RAB39A: variants seen among roughly 807,000 people sequenced by gnomAD.
RAB39A encodes RAB39A, member RAS oncogene family.
RAB39A carries 17 observed loss-of-function variants against 20.9 expected under a neutral mutation model. That is an observed-to-expected ratio of 0.81 (90% CI 0.56 to 1.22). The LOEUF (loss-of-function observed/expected upper bound fraction) is 1.22, where lower values mean the gene tolerates loss of function less well. Among genes scored for constraint, RAB39A ranks in the 50% most tolerant of loss-of-function variants. RAB39A has a pLI of 0.00. For missense variants in RAB39A, 234 were observed against 270.5 expected, an observed-to-expected ratio of 0.87 and a Z score of 0.95; for synonymous variants, 99 against 103.4, an observed-to-expected ratio of 0.96 and a Z score of 0.26.
Position 107,928,733 on chromosome 11 carries a change from G to A in RAB39A, c.165G>A (p.Glu55=). Residue 55 remains glutamate, a synonymous_variant, in exon 1 of 2, where the codon GAG becomes GAA. Transcript: ENST00000320578. The surrounding 1 kb of genome is among the most constrained non-coding windows in gnomAD (Gnocchi z 4.9). The part of the protein sequence containing the change: ...VGVDFFSRLL[E]IEPGKRIKLQ... ...TGGACTTCTTCTCCCGCCTGCTGGA[G>A]ATCGAGCCGGGCAAGAGGATCAAGC... The A allele has an allele frequency of 6.2e-7, 1 of 1,609,252 alleles. No individual in the cohort carries two copies. Among genetic ancestry groups the A allele is most frequent in the Non-Finnish European group, 8.5e-7 (1 of 1,177,498 alleles).
In RAB39A at chr11:107,962,293, G is replaced by C; in HGVS notation, c.575G>C (p.Gly192Ala). The change falls in exon 2 of 2, where the codon GGG becomes GCG. Residue 192 changes from glycine (G) to alanine (A), a missense_variant. By Grantham distance (60) the Gly-to-Ala change is moderately conservative. Coordinates refer to ENST00000320578, the MANE Select transcript of RAB39A (RefSeq NM_017516.3). Reference protein sequence around the residue: ...GEICIQDGWEGVKSGFVPNTV... With the variant: ...GEICIQDGWEAVKSGFVPNTV... Reference sequence around the variant, plus strand: ...ATTTGTATTCAGGATGGCTGGGAAGGGGTTAAAAGTGGTTTTGTTCCAAAT... The same window carrying C: ...ATTTGTATTCAGGATGGCTGGGAAGCGGTTAAAAGTGGTTTTGTTCCAAAT... The C allele has an allele frequency of 1.2e-6, 2 of 1,613,806 alleles. No individual in the cohort carries two copies. The highest frequency in any genetic ancestry group is 1.7e-6 in the Non-Finnish European group (2 of 1,179,946).
intron 1 of RAB39A, among the ~76,000 whole-genome samples, chr11:107,929,740 T>C (rs962454490): frequency 5.9e-5 from 9 of 152,078 alleles, no homozygotes; most frequent in African/African-American, 2.2e-4. Context: ...GTAAATGAAA[T>C]TATATGCATT....
At chr11:107,954,386 C>T (rs1414121236) in intron 1 of RAB39A, among the ~76,000 whole-genome samples, 4 of 152,156 alleles carry the variant, frequency 2.6e-5, no homozygotes. Flanking sequence ...TACAAGAATG[C>T]ACATACTCTA....
intron 1 of RAB39A, among the ~76,000 whole-genome samples, chr11:107,938,242 C>T (rs970391654): frequency 7.3e-5 from 11 of 151,560 alleles, no homozygotes; most frequent in African/African-American, 2.4e-4. Flanking sequence ...CACCTGTAAT[C>T]CCAGCTACTC....
In RAB39A at chr11:107,962,552, G is replaced by A; in HGVS notation, c.*180G>A. 1 of 532,218 alleles carries A rather than the reference G, an allele frequency of 1.9e-6. No individual in the cohort carries two copies. Among genetic ancestry groups the A allele is most frequent in the African/African-American group, 1.9e-5 (1 of 52,284 alleles). The allele number at this position is 532,218 out of a possible 1,614,324, so 33.0% of individuals were successfully genotyped here. On this transcript the variant is annotated 3_prime_UTR_variant, in exon 2 of 2. Coordinates refer to ENST00000320578, the MANE Select transcript of RAB39A (RefSeq NM_017516.3). ...CTTACTTGTTACACTACTAGATTGGGTATTTTGCTAAATTACCAAGCAAAG... is the reference window on the plus strand; with the variant it reads ...CTTACTTGTTACACTACTAGATTGGATATTTTGCTAAATTACCAAGCAAAG...
At chr11:107,957,636 G>A (rs1417989027) in intron 1 of RAB39A, among the ~76,000 whole-genome samples, 7 of 152,150 alleles carry the variant, frequency 4.6e-5, no homozygotes, top group African/African-American at 1.4e-4. Context: ...TTATAACCCC[G>A]AACCCTCTCC....
In RAB39A at chr11:107,962,701, T is replaced by C. The variant is rs1861511488; in HGVS notation, c.*329T>C. 1 of 200,054 alleles carries C rather than the reference T, an allele frequency of 5.0e-6. No individual in the cohort carries two copies. The highest frequency in any genetic ancestry group is 2.3e-5 in the African/African-American group (1 of 43,198). The allele number at this position is 200,054 out of a possible 1,614,324, so 12.4% of individuals were successfully genotyped here. ...GTTCAAATGGATTTTTGTGCATATA[T>C]AGTCAATTGAAAAGATTTTATCAGG... is the stretch of plus-strand genomic sequence containing the variant. On this transcript the variant is annotated 3_prime_UTR_variant, in exon 2 of 2. Transcript: ENST00000320578.
intron 1 of RAB39A, among the ~76,000 whole-genome samples, chr11:107,959,490 C>G (rs976852337): frequency 6.6e-5 from 10 of 152,132 alleles, no homozygotes; most frequent in African/African-American, 2.4e-4. Flanking sequence ...TTCTTATTGT[C>G]AATTTCTTTT....
At chr11:107,954,447 T>C (rs1452298089) in intron 1 of RAB39A, among the ~76,000 whole-genome samples, 1 of 152,190 alleles carries the variant, frequency 6.6e-6, no homozygotes, top group Non-Finnish European at 1.5e-5. Flanking sequence ...AGCCCCGATC[T>C]TGTTTTTTAC....
At position 107,946,451 on chromosome 11, in the gene RAB39A, TATATA is replaced by T. The variant is rs1565464291; in HGVS notation, c.228-15494_228-15490del. ...GTGTGTGTGTGTATATATATATATA[TATATA>T]TATATTTTTTTTTTTTTTTTTTTTT... On this transcript the variant is annotated intron_variant, in intron 1 of 1. Transcript: ENST00000320578. Among the ~76,000 whole-genome samples the T allele has an allele frequency of 2.4e-4, 20 of 81,774 alleles. 2 individuals carry two copies. Among genetic ancestry groups the T allele is most frequent in the Admixed American group, 1.3e-3 (9 of 6,702 alleles). 53.6% of individuals were successfully genotyped at this position (81,774 alleles called of 152,430 possible).
intron 1 of RAB39A, among the ~76,000 whole-genome samples, chr11:107,930,064 C>T (rs546706860): frequency 1.3e-5 from 2 of 152,238 alleles, no homozygotes; most frequent in East Asian, 1.9e-4. Flanking sequence ...GGCTTCCGTT[C>T]CTAGCAATGA....
intron 1 of RAB39A, among the ~76,000 whole-genome samples, chr11:107,955,004 T>C (rs1186801686): frequency 7.3e-6 from 1 of 137,882 alleles, no homozygotes; most frequent in Admixed American, 7.4e-5. Flanking sequence ...TTTTTTTTTT[T>C]TTTTTTTTTT....
chr11:107,935,962 G>T (rs1035139151), intron 1 of RAB39A, among the ~76,000 whole-genome samples: 1 of 144,250 alleles, frequency 6.9e-6, no homozygotes, highest in Admixed American at 7.2e-5. Context: ...CTGGAGGGCA[G>T]TGGTGTCATC....
chr11:107,939,174 G>T (rs1400969559), intron 1 of RAB39A, among the ~76,000 whole-genome samples: 1 of 150,802 alleles, frequency 6.6e-6, no homozygotes, highest in African/African-American at 2.4e-5. Context: ...AACCCAGGAG[G>T]TGGAGGTTGC....
intron 1 of RAB39A, among the ~76,000 whole-genome samples, chr11:107,948,086 G>T (rs2134965338): frequency 6.6e-6 from 1 of 152,124 alleles, no homozygotes; most frequent in South Asian, 2.1e-4. Flanking sequence ...CCAGGAAGAT[G>T]GTGAAGGGAG....
intron 1 of RAB39A, among the ~76,000 whole-genome samples, chr11:107,957,464 G>C (rs1032541397): frequency 6.6e-6 from 1 of 152,192 alleles, no homozygotes; most frequent in Non-Finnish European, 1.5e-5. Flanking sequence ...TGTTCTCAGG[G>C]ACCAGCAGTT....
intron 1 of RAB39A, among the ~76,000 whole-genome samples, chr11:107,936,420 C>A (rs546926414): frequency 4.3e-5 from 4 of 92,254 alleles, no homozygotes; most frequent in African/African-American, 1.1e-4. Flanking sequence ...ACTGGCTTAT[C>A]TTCTCTTCTC....
intron 1 of RAB39A, among the ~76,000 whole-genome samples, chr11:107,939,450 C>T (rs971449749): frequency 8.8e-6 from 1 of 114,138 alleles, no homozygotes; most frequent in Non-Finnish European, 1.9e-5. Flanking sequence ...ACTAAAAATA[C>T]AAAAAAAAAA....
chr11:107,941,461 A>T (rs942299012), intron 1 of RAB39A, among the ~76,000 whole-genome samples: 1 of 152,106 alleles, frequency 6.6e-6, no homozygotes, highest in African/African-American at 2.4e-5. Flanking sequence ...TGATTTCCTC[A>T]ACTCTCCCTT....
Sources: gnomAD v4.1 joint callset for allele counts (sites outside exome capture counted in the v4.1 genomes callset) on GRCh38, gnomAD v4.1.1 for gene constraint, Gnocchi (gnomAD v3.1) non-coding constraint, MANE v1.5 for transcripts, NCBI Gene and HGNC (gene_info 2026-07-23, HGNC 2026-07-21) for gene names.